Variants in RPH3AL observed in about 807,000 individuals in gnomAD.
RPH3AL encodes rabphilin 3A like (without C2 domains).
RPH3AL carries 38 observed loss-of-function variants against 43.1 expected under a neutral mutation model. That is an observed-to-expected ratio of 0.88 (90% CI 0.68 to 1.15). RPH3AL has a LOEUF of 1.15. RPH3AL is among the 50% of genes most tolerant of loss of function. RPH3AL has a pLI of 0.00. For missense variants in RPH3AL, 462 were observed against 423.2 expected (o/e 1.09, Z -0.81); for synonymous variants, 189 against 176.3 (o/e 1.07, Z -0.57).
At chr17:276,660 C>T (rs568773326) in intron 6 of RPH3AL, among the ~76,000 whole-genome samples, 3 of 152,152 alleles carry the variant, frequency 2.0e-5, no homozygotes, top group Non-Finnish European at 4.4e-5. Flanking sequence ...CCCAAAATGT[C>T]GGGATTACAG....
At chr17:307,138 CAT>C (rs2043509049) in intron 5 of RPH3AL, among the ~76,000 whole-genome samples, 1 of 151,660 alleles carries the variant, frequency 6.6e-6, no homozygotes, top group Non-Finnish European at 1.5e-5. Flanking sequence ...AGATCCTCCC[CAT>C]GGCAGGTCCT....
chr17:343,751 G>A (rs2045177248), intron 1 of RPH3AL, among the ~76,000 whole-genome samples: 1 of 152,172 alleles, frequency 6.6e-6, no homozygotes, highest in East Asian at 1.9e-4. Flanking sequence ...TAGAGGCCAG[G>A]AATGCTGCTA....
rs1016167350 is a variant in RPH3AL at position 225,855 on chromosome 17, C to T, written c.614-6119G>A. Among the ~76,000 whole-genome samples the T allele has an allele frequency of 1.3e-5, 2 of 152,206 alleles. No homozygotes were observed. Among genetic ancestry groups the T allele is most frequent in the African/African-American group, 4.8e-5 (2 of 41,460 alleles). On this transcript the variant is annotated intron_variant, in intron 7 of 9. Coordinates refer to ENST00000331302, the MANE Select transcript of RPH3AL (RefSeq NM_006987.4). This position sits in a 1 kb window ranked among gnomAD's most constrained non-coding sequence, Gnocchi z 4.4. ...GCAAAGGGGCAGATGTCAAAGGACTCAGAAGGAGACGATGGGATGGGATGT... is the reference window on the plus strand; with the variant it reads ...GCAAAGGGGCAGATGTCAAAGGACTTAGAAGGAGACGATGGGATGGGATGT...
At chr17:243,338 C>CTCCTCTACTGATTACCCT (rs71143486) in intron 7 of RPH3AL, among the ~76,000 whole-genome samples, 1 of 74,378 alleles carries the variant, frequency 1.3e-5, no homozygotes, top group Admixed American at 1.3e-4. Flanking sequence ...CTGATTGCCC[C>CTCCTCTACTGATTACCCT]TCCTCTACTG....
chr17:252,697 G>A (rs936819017), intron 6 of RPH3AL, among the ~76,000 whole-genome samples: 5 of 152,160 alleles, frequency 3.3e-5, no homozygotes, highest in African/African-American at 9.7e-5. Flanking sequence ...CCCAGTGCTC[G>A]GTTATTGCCT....
chr17:321,493 C>T (rs956993600), intron 3 of RPH3AL, 78 bp from the exon 4 acceptor site: 3 of 1,431,134 alleles, frequency 2.1e-6, no homozygotes, highest in African/African-American at 3.0e-5. Flanking sequence ...TCCACCAAGC[C>T]CCCCCGAGAA....
At position 300,998 on chromosome 17, in the gene RPH3AL, G is replaced by A. The variant is rs544034448; in HGVS notation, c.351+18422C>T. Among the ~76,000 whole-genome samples, 7 of 152,384 alleles carry A rather than the reference G, an allele frequency of 4.6e-5. No individual in the cohort carries two copies. In the East Asian group the frequency reaches 5.8e-4, roughly 13 times the overall value. On this transcript the variant is annotated intron_variant, in intron 5 of 9. Coordinates refer to ENST00000331302, the MANE Select transcript of RPH3AL (RefSeq NM_006987.4). The stretch of plus-strand genomic sequence containing the variant: ...GCTGGCCTCACAGTGAGGCTGGGCC[G>A]TGACTCCTCCACGTATCCAACTATT...
intron 5 of RPH3AL, among the ~76,000 whole-genome samples, chr17:316,518 A>ACT (rs1567513724): frequency 7.1e-6 from 1 of 140,890 alleles, no homozygotes; most frequent in Admixed American, 7.1e-5. Flanking sequence ...CTCCACCTCC[A>ACT]GTGACCTGTA....
At chr17:231,875 G>T (rs1034189427) in intron 7 of RPH3AL, among the ~76,000 whole-genome samples, 1 of 152,262 alleles carries the variant, frequency 6.6e-6, no homozygotes, top group African/African-American at 2.4e-5. Flanking sequence ...GCTGATGAGG[G>T]CCTTCTGCTC....
intron 6 of RPH3AL, among the ~76,000 whole-genome samples, chr17:280,301 C>T (rs1172490754): frequency 6.6e-6 from 1 of 152,070 alleles, no homozygotes. Flanking sequence ...AGGGGATTTT[C>T]CACCTGGGAA....
At position 316,740 on chromosome 17, in the gene RPH3AL, G is replaced by T. The variant is rs561259969; in HGVS notation, c.351+2680C>A. 6.9e-5 allele frequency among the ~76,000 whole-genome samples: 10 copies of T among 145,012 alleles called. No individual in the cohort carries two copies. In the South Asian group the frequency reaches 2.2e-3, roughly 32 times the overall value. ...TGTGCCCCACCTCCATTGACCTGTA[G>T]TCCATGTGCCCCACCTCCATTGACC... On this transcript the variant is annotated intron_variant, in intron 5 of 9. Transcript: ENST00000331302.
intron 7 of RPH3AL, among the ~76,000 whole-genome samples, chr17:244,230 C>CTTCCTCTATTGATTACT: frequency 6.7e-6 from 1 of 149,472 alleles, no homozygotes; most frequent in East Asian, 2.0e-4. Context: ...ATTGATTACC[C>CTTCCTCTATTGATTACT]TTCCTCTATT....
chr17:294,382 A>G (rs979740631), intron 5 of RPH3AL, among the ~76,000 whole-genome samples: 1 of 152,202 alleles, frequency 6.6e-6, no homozygotes, highest in Non-Finnish European at 1.5e-5. Flanking sequence ...TGAGCTCAGA[A>G]GGTCGAGGCT....
At chr17:297,367 T>A (rs2151631853) in intron 5 of RPH3AL, among the ~76,000 whole-genome samples, 1 of 152,324 alleles carries the variant, frequency 6.6e-6, no homozygotes, top group South Asian at 2.1e-4. Flanking sequence ...ACCCAAAGTA[T>A]GGGTTGTGGG....
intron 5 of RPH3AL, among the ~76,000 whole-genome samples, chr17:299,145 G>T (rs1351097945): frequency 1.3e-5 from 2 of 152,188 alleles, no homozygotes; most frequent in African/African-American, 4.8e-5. Flanking sequence ...GAAAGCGAAT[G>T]AGACTCGTCC....
At chr17:315,677 C>T (rs71283538) in intron 5 of RPH3AL, among the ~76,000 whole-genome samples, 5 of 95,028 alleles carry the variant, frequency 5.3e-5, no homozygotes, top group Admixed American at 1.3e-4. Context: ...GACCTGTAGT[C>T]CCTGTGACCC....
rs921870134 is a variant in RPH3AL at position 246,939 on chromosome 17, G to C, written c.613+172C>G. ...GAACAGTCACCTGCTGGAGGTCCCC[G>C]CTGCTCACTCGGGAGAAGGTGTGGA... On this transcript the variant is annotated intron_variant, in intron 7 of 9. Coordinates refer to ENST00000331302, the MANE Select transcript of RPH3AL (RefSeq NM_006987.4). This position sits in a 1 kb window ranked among gnomAD's most constrained non-coding sequence, Gnocchi z 4.8. Among the ~76,000 whole-genome samples the C allele has an allele frequency of 6.6e-6, 1 of 152,186 alleles. No individual in the cohort carries two copies. Among genetic ancestry groups the C allele is most frequent in the South Asian group, 2.1e-4 (1 of 4,832 alleles).
At chr17:315,660 C>A in intron 5 of RPH3AL, among the ~76,000 whole-genome samples, 1 of 152,348 alleles carries the variant, frequency 6.6e-6, no homozygotes, top group African/African-American at 2.4e-5. Context: ...TGTGCTCCAC[C>A]TCCACTGACC....
intron 6 of RPH3AL, among the ~76,000 whole-genome samples, chr17:263,064 G>A (rs1330209022): frequency 6.6e-6 from 1 of 152,122 alleles, no homozygotes; most frequent in Non-Finnish European, 1.5e-5. Flanking sequence ...GAAGACCTGG[G>A]CACAAATCAT....
Sources: allele counts gnomAD v4.1 joint callset (sites outside exome capture counted in the v4.1 genomes callset), GRCh38; gene constraint gnomAD v4.1.1; non-coding constraint Gnocchi (gnomAD v3.1); transcripts MANE v1.5; gene names NCBI Gene and HGNC (gene_info 2026-07-23, HGNC 2026-07-21).